The following GALNT18 variants were observed in gnomAD, a reference collection of about 807,000 sequenced individuals.
The protein encoded by GALNT18 is GalNAc-transferase 18.
A neutral mutation model predicts 69.5 loss-of-function variants in GALNT18; 44 were observed. The observed-to-expected ratio is 0.63, with a 90% CI of 0.50 to 0.81. GALNT18 has a LOEUF of 0.81. GALNT18 is among the 40% of genes least tolerant of loss of function. GALNT18 has a pLI of 0.00. For synonymous variants in GALNT18, 364 were observed against 318.2 expected, an observed-to-expected ratio of 1.14 and a Z score of -1.53; for missense variants, 715 against 810.0, an observed-to-expected ratio of 0.88 and a Z score of 1.42.
In GALNT18 at chr11:11,338,441, G is replaced by A. The variant is rs922142494; in HGVS notation, c.1278+2378C>T. On this transcript the variant is annotated intron_variant, in intron 7 of 10. Transcript: ENST00000227756. The surrounding 1 kb of genome is among the most constrained non-coding windows in gnomAD (Gnocchi z 5.3). ...CTGAATGCAGACATGAGGGGAGGTC[G>A]GGGTGGGAAGGAGGGCTTGTGATTG... 2.3e-4 allele frequency among the ~76,000 whole-genome samples: 35 copies of A among 152,138 alleles called. No individual in the cohort carries two copies. Among genetic ancestry groups the A allele is most frequent in the Non-Finnish European group, 7.3e-5 (5 of 68,028 alleles).
chr11:11,296,734 C>G (rs1849408320), intron 9 of GALNT18, among the ~76,000 whole-genome samples: 1 of 152,124 alleles, frequency 6.6e-6, no homozygotes, highest in Non-Finnish European at 1.5e-5. Flanking sequence ...GCTCCAGAGT[C>G]TGGGAAAATC....
At position 11,617,877 on chromosome 11, in the gene GALNT18, A is replaced by G. The variant is rs188890657; in HGVS notation, c.235+3482T>C. On this transcript the variant is annotated intron_variant, in intron 1 of 10. Transcript: ENST00000227756. This position sits in a 1 kb window ranked among gnomAD's most constrained non-coding sequence, Gnocchi z 4.7. ...TCTTTCTACTCCTAAGATGGAGAGA[A>G]CCTGACCCTTACTAACATTTACTTT... Among the ~76,000 whole-genome samples the G allele has an allele frequency of 1.1e-3, 173 of 152,290 alleles. No individual in the cohort carries two copies. Among genetic ancestry groups the G allele is most frequent in the African/African-American group, 4.1e-3 (170 of 41,570 alleles).
At chr11:11,537,228 G>C (rs373271102) in intron 1 of GALNT18, among the ~76,000 whole-genome samples, 1 of 152,284 alleles carries the variant, frequency 6.6e-6, no homozygotes, top group South Asian at 2.1e-4. Context: ...AATCGGGGTG[G>C]AGCTGTGAGT....
At chr11:11,445,113 T>C (rs1855619259) in intron 2 of GALNT18, among the ~76,000 whole-genome samples, 2 of 152,212 alleles carry the variant, frequency 1.3e-5, no homozygotes, top group Non-Finnish European at 2.9e-5. Flanking sequence ...CTCAGTGCTA[T>C]ATTGTTAAAG....
At chr11:11,560,090 G>A (rs956546911) in intron 1 of GALNT18, among the ~76,000 whole-genome samples, 13 of 10,602 alleles carry the variant, frequency 1.2e-3, no homozygotes, top group Non-Finnish European at 2.4e-3. Flanking sequence ...TATGATGGGC[G>A]GGATGGAATG....
intron 9 of GALNT18, among the ~76,000 whole-genome samples, chr11:11,323,095 A>G (rs1394011930): frequency 6.6e-6 from 1 of 152,238 alleles, no homozygotes; most frequent in East Asian, 1.9e-4. Flanking sequence ...GGCACAATGC[A>G]GTCCATAACA....
chr11:11,525,881 G>A (rs921577213), intron 1 of GALNT18, among the ~76,000 whole-genome samples: 9 of 152,028 alleles, frequency 5.9e-5, no homozygotes, highest in African/African-American at 1.7e-4. Context: ...TGATCCGCCC[G>A]CCTCAGTCTC....
chr11:11,417,997 AGCCTGAAGGCGGGGTGTATATACCT>A (rs1410669532), intron 3 of GALNT18, among the ~76,000 whole-genome samples: 1 of 152,278 alleles, frequency 6.6e-6, no homozygotes, highest in Non-Finnish European at 1.5e-5. Flanking sequence ...TTAATATACC[AGCCTGAAGGCGGGGTGTATATACCT>A]GCGAGGAAGA....
chr11:11,549,178 G>A (rs946844844), intron 1 of GALNT18, among the ~76,000 whole-genome samples: 9 of 152,282 alleles, frequency 5.9e-5, no homozygotes, highest in South Asian at 2.1e-4. Context: ...TGCAGCAGCC[G>A]TTTCAGACCA....
At chr11:11,352,528 T>G in intron 6 of GALNT18, 1 of 1,614,138 alleles carries the variant, frequency 6.2e-7, no homozygotes, top group Non-Finnish European at 8.5e-7. Flanking sequence ...TCAGGACCTT[T>G]GAAGTATCGG....
rs549325924 is a variant in GALNT18, at chr11:11,590,724, T to G, written c.235+30635A>C. 1.3e-5 allele frequency among the ~76,000 whole-genome samples: 2 copies of G among 152,132 alleles called. No homozygotes were observed. The highest frequency in any genetic ancestry group is 2.9e-5 in the Non-Finnish European group (2 of 68,002). ...CATATACAATGGTGGTCCCGTAAGA[T>G]TACAATGGAGCCCAAAAATTCCTAT... On this transcript the variant is annotated intron_variant, in intron 1 of 10. Transcript: ENST00000227756. This position sits in a 1 kb window ranked among gnomAD's most constrained non-coding sequence, Gnocchi z 4.4.
chr11:11,420,652 T>A (rs901186909), intron 3 of GALNT18, among the ~76,000 whole-genome samples: 2 of 152,254 alleles, frequency 1.3e-5, no homozygotes, highest in African/African-American at 4.8e-5. Context: ...GTAACTATTG[T>A]CTGCACCTGA....
At chr11:11,365,927 C>T (rs1289012733) in intron 6 of GALNT18, among the ~76,000 whole-genome samples, 2 of 152,288 alleles carry the variant, frequency 1.3e-5, no homozygotes, top group South Asian at 2.1e-4. Flanking sequence ...ACTGTCCCCT[C>T]GAAGCAAAGG....
chr11:11,401,622 C>T (rs186778231), intron 3 of GALNT18, among the ~76,000 whole-genome samples: 1 of 152,358 alleles, frequency 6.6e-6, no homozygotes, highest in African/African-American at 2.4e-5. Flanking sequence ...CCTTCTGTTG[C>T]TCTGATCAAA....
chr11:11,502,326 A>G (rs1209753795), intron 1 of GALNT18, among the ~76,000 whole-genome samples: 1 of 152,186 alleles, frequency 6.6e-6, no homozygotes, highest in Non-Finnish European at 1.5e-5. Context: ...TGCCTCTTGT[A>G]TTTGTCTGGG....
Position 11,459,234 on chromosome 11 carries a change from A to G in GALNT18, c.236-10298T>C, listed in dbSNP as rs372009596. On this transcript the variant is annotated intron_variant, in intron 1 of 10. Transcript: ENST00000227756. The surrounding 1 kb of genome is among the most constrained non-coding windows in gnomAD (Gnocchi z 5.0). ...AACATGAGCCGAAGGTCTTTTGCCA[A>G]TGGTCCCCACAATTAGGCTTTCTCT... Among the ~76,000 whole-genome samples the G allele has an allele frequency of 2.0e-5, 3 of 152,264 alleles. No individual in the cohort carries two copies. The highest frequency in any genetic ancestry group is 4.8e-5 in the African/African-American group (2 of 41,544).
chr11:11,337,603 C>T lies in GALNT18; in HGVS notation c.1278+3216G>A, dbSNP rs541786838. ...ACAGAGAGATATTTAGGAGGGGGAGCTCTTCCCCCAGTTGGAGCTGGCTTT... is the reference window on the plus strand; with the variant it reads ...ACAGAGAGATATTTAGGAGGGGGAGTTCTTCCCCCAGTTGGAGCTGGCTTT... On this transcript the variant is annotated intron_variant, in intron 7 of 10. Transcript: ENST00000227756. This position sits in a 1 kb window ranked among gnomAD's most constrained non-coding sequence, Gnocchi z 4.9. 2.6e-5 allele frequency among the ~76,000 whole-genome samples: 4 copies of T among 152,124 alleles called. No individual in the cohort carries two copies. Among genetic ancestry groups the T allele is most frequent in the Admixed American group, 6.5e-5 (1 of 15,280 alleles).
intron 1 of GALNT18, among the ~76,000 whole-genome samples, chr11:11,462,250 T>A (rs1856058986): frequency 6.6e-6 from 1 of 151,684 alleles, no homozygotes; most frequent in Non-Finnish European, 1.5e-5. Context: ...GTACATTCAG[T>A]GTGTGGCTGT....
At chr11:11,570,672 C>T (rs1858773480) in intron 1 of GALNT18, among the ~76,000 whole-genome samples, 1 of 152,200 alleles carries the variant, frequency 6.6e-6, no homozygotes, top group African/African-American at 2.4e-5. Flanking sequence ...CTCACACGCT[C>T]CATTTTTTGC....
Sources: gnomAD v4.1 joint callset for allele counts (sites outside exome capture counted in the v4.1 genomes callset) on GRCh38, gnomAD v4.1.1 for gene constraint, Gnocchi (gnomAD v3.1) non-coding constraint, MANE v1.5 for transcripts, NCBI Gene and HGNC (gene_info 2026-07-23, HGNC 2026-07-21) for gene names.